The following COL6A5 variants were observed in gnomAD, a reference collection of about 807,000 sequenced individuals.
COL6A5 encodes collagen alpha-5(VI) chain.
Under a neutral mutation model 65.6 loss-of-function variants are expected in COL6A5, and 48 were observed. That is an observed-to-expected ratio of 0.73 (90% CI 0.58 to 0.93). COL6A5 has a LOEUF of 0.93. COL6A5 is among the 40% of genes least tolerant of loss of function. The pLI, the probability that COL6A5 is intolerant of heterozygous loss-of-function variation, is 0.00. For synonymous variants in COL6A5, 291 were observed against 322.8 expected (o/e 0.90, Z 1.05); for missense variants, 914 against 928.3 (o/e 0.98, Z 0.20).
exon 3 of COL6A5, chr3:130,376,340 C>A: frequency 6.2e-7 from 1 of 1,613,750 alleles, no homozygotes; most frequent in East Asian, 2.2e-5. Flanking sequence ...ACAAAATGAT[C>A]AACAGTCTCC....
chr3:130,401,649 A>G (rs1936819972), intron 11 of COL6A5, 113 bp from the exon 12 acceptor site: 1 of 777,942 alleles, frequency 1.3e-6, no homozygotes, highest in Non-Finnish European at 2.2e-6. Context: ...CCCCTCATCC[A>G]AAGGGTGAAG....
chr3:130,440,791 G>A lies in COL6A5; in HGVS notation c.1209G>A (p.Ala403=), dbSNP rs73214742. The A allele has an allele frequency of 0.011, 17,697 of 1,612,358 alleles. 112 individuals carry two copies. The highest frequency in any genetic ancestry group is 0.013 in the Non-Finnish European group (15,874 of 1,179,148). The change falls in exon 3 of 8, where the codon GCG becomes GCA. Residue 403 remains alanine (A), a synonymous_variant. Transcript: ENST00000512836. ...ATAAACCAGATCTGAATTATATTGC[G>A]AAGTTCTTAAAGCCATTTTTATACT... is the stretch of plus-strand genomic sequence containing the variant.
At chr3:130,376,147 C>T in intron 2 of COL6A5, 90 bp from the exon 3 acceptor site, 5 of 1,318,612 alleles carry the variant, frequency 3.8e-6, no homozygotes, top group Non-Finnish European at 5.1e-6. Flanking sequence ...ATACACTTAA[C>T]ACCAGCACAT....
At chr3:130,463,654 C>A (rs1002644095) in intron 5 of COL6A5, among the ~76,000 whole-genome samples, 3 of 152,062 alleles carry the variant, frequency 2.0e-5, no homozygotes, top group Admixed American at 2.0e-4. Flanking sequence ...TAAGGAAATT[C>A]TTTCACAGAG....
Position 130,471,010 on chromosome 3 carries a change from A to G in COL6A5, c.2328+43A>G, listed in dbSNP as rs77924907. ...AAGTTTGGGTAATACCACAACTGGA[A>G]ACAGTTCTTAAGAAAACTGTGAAAT... On this transcript the variant is annotated intron_variant, in intron 7 of 7. Transcript: ENST00000512836. The G allele has an allele frequency of 5.4e-3, 7,362 of 1,361,228 alleles. 311 individuals are homozygous for G. The African/African-American group carries it at 0.09, about 17-fold the overall frequency. 84.3% of individuals were successfully genotyped at this position (1,361,228 alleles called of 1,614,324 possible). A position where few individuals can be genotyped will look rare whatever the true frequency, so the allele number is the denominator to read the frequency against.
chr3:130,371,938 C>T (rs1935580625), intron 1 of COL6A5, among the ~76,000 whole-genome samples: 1 of 152,062 alleles, frequency 6.6e-6, no homozygotes, highest in East Asian at 1.9e-4. Flanking sequence ...ATCTGCTAAG[C>T]ATGTAGTATT....
rs183302587 is a variant in COL6A5 at position 130,444,088 on chromosome 3, A to G, written c.1332+522A>G. 1.7e-3 allele frequency among the ~76,000 whole-genome samples: 266 copies of G among 152,250 alleles called. 1 individual carries two copies. Among genetic ancestry groups the G allele is most frequent in the African/African-American group, 6.1e-3 (253 of 41,564 alleles). ...AAAAGAATTCAGCGATATTTCTCCC[A>G]TTTGCTTTTGAAAGAAGAGAAATAT... is the stretch of plus-strand genomic sequence containing the variant. On this transcript the variant is annotated intron_variant, in intron 4 of 7. Transcript: ENST00000512836.
At chr3:130,419,440 A>G (rs780959427) in intron 25 of COL6A5, among the ~76,000 whole-genome samples, 12 of 152,192 alleles carry the variant, frequency 7.9e-5, no homozygotes, top group Admixed American at 3.9e-4. Flanking sequence ...TACAAACGTT[A>G]TACATAGATA....
chr3:130,430,521 C>T (rs1321260014), upstream of COL6A5, among the ~76,000 whole-genome samples: 1 of 152,138 alleles, frequency 6.6e-6, no homozygotes, highest in Non-Finnish European at 1.5e-5. Flanking sequence ...AATCATTTTT[C>T]TCTTCCTGTG....
At chr3:130,436,641 T>G (rs1709042279) in intron 1 of COL6A5, among the ~76,000 whole-genome samples, 1 of 152,202 alleles carries the variant, frequency 6.6e-6, no homozygotes, top group African/African-American at 2.4e-5. Context: ...TGGACTTATT[T>G]GCAGTATACA....
chr3:130,431,621 C>T (rs1937814034), exon 1 of COL6A5: 1 of 1,551,376 alleles, frequency 6.4e-7, no homozygotes, highest in Non-Finnish European at 8.7e-7. Flanking sequence ...GCAAGAGTTG[C>T]CATGGTTTCC....
chr3:130,433,170 G>A (rs1363852284), intron 1 of COL6A5, among the ~76,000 whole-genome samples: 1 of 152,128 alleles, frequency 6.6e-6, no homozygotes, highest in East Asian at 1.9e-4. Context: ...AAAAAGGATT[G>A]CAGGAAGTCA....
At chr3:130,455,009 A>C (rs1709534765) in intron 4 of COL6A5, among the ~76,000 whole-genome samples, 2 of 152,000 alleles carry the variant, frequency 1.3e-5, no homozygotes, top group Non-Finnish European at 2.9e-5. Context: ...GCATGGTGGC[A>C]TGCATCTTTG....
chr3:130,378,992 A>G (rs16826951), intron 3 of COL6A5, among the ~76,000 whole-genome samples: 43,355 of 152,004 alleles, frequency 0.29, 7,126 homozygotes, highest in East Asian at 0.49. Context: ...CTTGAGAATG[A>G]TGGTGGCAGT....
intron 3 of COL6A5, among the ~76,000 whole-genome samples, chr3:130,377,099 C>G (rs1935813723): frequency 6.6e-6 from 1 of 152,174 alleles, no homozygotes; most frequent in Non-Finnish European, 1.5e-5. Context: ...TTCTTTTCCT[C>G]TTGGAATCTT....
At chr3:130,455,238 G>A (rs1709543213) in intron 4 of COL6A5, among the ~76,000 whole-genome samples, 1 of 151,862 alleles carries the variant, frequency 6.6e-6, no homozygotes, top group South Asian at 2.1e-4. Flanking sequence ...CTAGACAGTT[G>A]TGAGAAAAGG....
At chr3:130,345,782 C>T (rs1268386317) in exon 1 of COL6A5, 2 of 398,524 alleles carry the variant, frequency 5.0e-6, no homozygotes, top group East Asian at 7.1e-5. Flanking sequence ...GCGTTCGCTG[C>T]GGGAATCCAC....
chr3:130,455,779 A>G (rs1709558486), intron 5 of COL6A5, 113 bp downstream of exon 37: 1 of 783,448 alleles, frequency 1.3e-6, no homozygotes, highest in Non-Finnish European at 2.0e-6. Context: ...ACTTTTTTTA[A>G]AGTTCATTAT....
At chr3:130,455,796 T>C in intron 5 of COL6A5, 130 bp downstream of exon 37, 1 of 667,174 alleles carries the variant, frequency 1.5e-6, no homozygotes. Flanking sequence ...TTATGGTAGA[T>C]ACAACTTCTA....
Sources: gnomAD v4.1 joint callset for allele counts (sites outside exome capture counted in the v4.1 genomes callset) on GRCh38, gnomAD v4.1.1 for gene constraint, MANE v1.5 for transcripts, NCBI Gene and HGNC (gene_info 2026-07-23, HGNC 2026-07-21) for gene names.